Variants in TMEM268 observed in about 807,000 individuals in gnomAD.
The protein encoded by TMEM268 is transmembrane protein C9orf91.
TMEM268 carries 24 observed loss-of-function variants against 39.1 expected under a neutral mutation model. The observed-to-expected ratio is 0.61, with a 90% confidence interval of 0.44 to 0.86. TMEM268 has a LOEUF of 0.86. Among genes scored for constraint, TMEM268 ranks in the 40% least tolerant of loss-of-function variants. The pLI is 0.00. For missense variants in TMEM268, 409 were observed against 428.6 expected, an observed-to-expected ratio of 0.95 and a Z score of 0.40; for synonymous variants, 176 against 173.5, an observed-to-expected ratio of 1.01 and a Z score of -0.12.
chr9:114,636,267 T>TAA (rs1290556768), intron 6 of TMEM268, among the ~76,000 whole-genome samples: 2 of 152,180 alleles, frequency 1.3e-5, no homozygotes, highest in African/African-American at 4.8e-5. Context: ...ACCCTGCTTC[T>TAA]GTCCCCACAG....
chr9:114,637,253 T>G (rs1432079085), intron 7 of TMEM268, among the ~76,000 whole-genome samples, 183 bp downstream of exon 7: 4 of 151,898 alleles, frequency 2.6e-5, no homozygotes, highest in Middle Eastern at 3.2e-3. Context: ...ATGCCTCGCT[T>G]CTTCTACATT....
rs1450677440 is a variant in TMEM268 at position 114,612,990 on chromosome 9, C to G, written c.-79+1426C>G. On this transcript the variant is annotated intron_variant, in intron 1 of 8. Coordinates refer to ENST00000288502, the MANE Select transcript of TMEM268 (RefSeq NM_153045.4). ...ATATTTCTTCAATGATTCCTACTTG[C>G]CCAGTGCTATTTTGAGTGATTTACA... Among the ~76,000 whole-genome samples, 3 of 152,152 alleles carry G rather than the reference C, an allele frequency of 2.0e-5. No individual in the cohort carries two copies. The East Asian group carries it at 5.8e-4, about 29-fold the overall frequency.
At position 114,625,632 on chromosome 9, in the gene TMEM268, G is replaced by A. The variant is rs926499437; in HGVS notation, c.216+1173G>A. ...AATTTTTGTATTTTTTAGTAGAGAC[G>A]GGGTTTCACCATGTTGGCCAGGCTG... is the stretch of plus-strand genomic sequence containing the variant. On this transcript the variant is annotated intron_variant, in intron 3 of 8. Coordinates refer to ENST00000288502, the MANE Select transcript of TMEM268 (RefSeq NM_153045.4). Among the ~76,000 whole-genome samples, 50 of 151,330 alleles carry A rather than the reference G, an allele frequency of 3.3e-4. 1 individual carries two copies. The highest frequency in any genetic ancestry group is 1.2e-3 in the African/African-American group (50 of 41,172).
chr9:114,611,734 T>C lies in TMEM268; in HGVS notation c.-79+170T>C, dbSNP rs1256425115. ...CCTGCGGGGGGTCCTTCGTGCGCCC[T>C]GGGGCCCCTCCCCCGCGTGCCGGCC... On this transcript the variant is annotated intron_variant, in intron 1 of 8. Transcript: ENST00000288502. Among the ~76,000 whole-genome samples, 3 of 152,060 alleles carry C rather than the reference T, an allele frequency of 2.0e-5. No individual in the cohort carries two copies. In the East Asian group the frequency reaches 5.8e-4, roughly 29 times the overall value.
intron 5 of TMEM268, among the ~76,000 whole-genome samples, chr9:114,630,478 C>T (rs1442752548): frequency 1.3e-5 from 2 of 152,172 alleles, no homozygotes; most frequent in Non-Finnish European, 2.9e-5. Context: ...TTCATGAGCA[C>T]CTATTGTATG....
rs201362748 is a variant in TMEM268 at position 114,643,356 on chromosome 9, C to T, written c.*43C>T. ...TCATCTTCCTTCAAGACTGAGCAGT[C>T]AGGAAGGCTTCAGGAGCCCAAGATG... On this transcript the variant is annotated 3_prime_UTR_variant, in exon 9 of 9. Coordinates refer to ENST00000288502, the MANE Select transcript of TMEM268 (RefSeq NM_153045.4). 2 of 1,593,320 alleles carry T rather than the reference C, an allele frequency of 1.3e-6. No homozygotes were observed. Among genetic ancestry groups the T allele is most frequent in the East Asian group, 4.5e-5 (2 of 44,716 alleles).
intron 1 of TMEM268, among the ~76,000 whole-genome samples, chr9:114,615,872 A>T (rs111397270): frequency 6.7e-6 from 1 of 150,228 alleles, no homozygotes; most frequent in Non-Finnish European, 1.5e-5. Flanking sequence ...TGTATTTTTT[A>T]GGAGAGACGG....
At chr9:114,639,791 G>A (rs888789510) in intron 8 of TMEM268, among the ~76,000 whole-genome samples, 16 of 150,200 alleles carry the variant, frequency 1.1e-4, no homozygotes, top group South Asian at 4.3e-4. Context: ...AGGCTGAGGC[G>A]CGAGGATCAT....
intron 8 of TMEM268, among the ~76,000 whole-genome samples, chr9:114,641,525 G>T (rs1827337478): frequency 6.6e-6 from 1 of 152,174 alleles, no homozygotes; most frequent in Non-Finnish European, 1.5e-5. Context: ...GTGTTAATAA[G>T]AATGTGCATT....
At chr9:114,619,901 T>A (rs1845878221) in intron 2 of TMEM268, among the ~76,000 whole-genome samples, 1 of 152,058 alleles carries the variant, frequency 6.6e-6, no homozygotes, top group African/African-American at 2.4e-5. Context: ...GTTTTCCTCA[T>A]TTGCTTATTT....
chr9:114,612,855 G>A (rs1323324649), intron 1 of TMEM268, among the ~76,000 whole-genome samples: 1 of 152,206 alleles, frequency 6.6e-6, no homozygotes, highest in African/African-American at 2.4e-5. Context: ...TAGCAGGGAG[G>A]GCTGAGTAGG....
At chr9:114,605,033 A>G in the TMEM268 span, among the ~76,000 whole-genome samples, 1 of 152,186 alleles carries the variant, frequency 6.6e-6, no homozygotes, top group Non-Finnish European at 1.5e-5. Flanking sequence ...CTGTAACCCC[A>G]GTAAAGCCTT....
chr9:114,640,881 C>CT (rs113630605), intron 8 of TMEM268, among the ~76,000 whole-genome samples: 3,821 of 146,758 alleles, frequency 0.026, 168 homozygotes, highest in African/African-American at 0.088. Context: ...CTCTCTCTCT[C>CT]TTTTTTTTTT....
rs1298595629 is a variant in TMEM268, at chr9:114,623,080, ACT to A, written c.107-1267_107-1266del. On this transcript the variant is annotated intron_variant, in intron 2 of 8. Transcript: ENST00000288502. ...ACTCCAGCCTGAGTGACAGAGAGAG[ACT>A]CTGTCTCCAAAAAACAACAACAACA... is the stretch of plus-strand genomic sequence containing the variant. 5.3e-5 allele frequency among the ~76,000 whole-genome samples: 8 copies of A among 151,676 alleles called. No homozygotes were observed. In the South Asian group the frequency reaches 1.5e-3, roughly 28 times the overall value.
intron 2 of TMEM268, among the ~76,000 whole-genome samples, chr9:114,622,722 G>A (rs1408399428): frequency 6.6e-6 from 1 of 152,154 alleles, no homozygotes; most frequent in African/African-American, 2.4e-5. Flanking sequence ...CCATACGTAG[G>A]AGGGATTACA....
chr9:114,608,664 G>T (rs1432013047), upstream of TMEM268, among the ~76,000 whole-genome samples: 7 of 152,250 alleles, frequency 4.6e-5, no homozygotes, highest in East Asian at 1.3e-3. Flanking sequence ...ATCTCTTGAG[G>T]CTCTTGCTCC....
chr9:114,609,742 G>GGAAAGAAA (rs146077247), upstream of TMEM268, among the ~76,000 whole-genome samples: 10 of 123,894 alleles, frequency 8.1e-5, no homozygotes, highest in African/African-American at 2.4e-4. Flanking sequence ...AAGGAAGGAA[G>GGAAAGAAA]GAAAGAAAGA....
intron 2 of TMEM268, among the ~76,000 whole-genome samples, chr9:114,620,215 C>CAA (rs200729563): frequency 3.8e-4 from 56 of 147,234 alleles, no homozygotes; most frequent in Middle Eastern, 3.4e-3. Context: ...AACTCCATCT[C>CAA]AAAAAAAAAA....
chr9:114,621,306 A>G (rs1172710132), intron 2 of TMEM268, among the ~76,000 whole-genome samples: 1 of 151,036 alleles, frequency 6.6e-6, no homozygotes, highest in East Asian at 1.9e-4. Context: ...TGTTAGTGTC[A>G]CTGCACTCCA....
Sources: gnomAD v4.1 joint callset for allele counts (sites outside exome capture counted in the v4.1 genomes callset) on GRCh38, gnomAD v4.1.1 for gene constraint, MANE v1.5 for transcripts, NCBI Gene and HGNC (gene_info 2026-07-23, HGNC 2026-07-21) for gene names.